SLC46A3: variants seen among roughly 807,000 people sequenced by gnomAD.
The protein encoded by SLC46A3 is lysosomal proton-coupled steroid conjugate and bile acid symporter SLC46A3.
Under a neutral mutation model 38.5 loss-of-function variants are expected in SLC46A3, and 26 were observed. That is an observed-to-expected ratio of 0.68 (90% confidence interval 0.49 to 0.94). The LOEUF (loss-of-function observed/expected upper bound fraction) is 0.94, where lower values mean the gene tolerates loss of function less well. SLC46A3 is among the 40% of genes least tolerant of loss of function. The probability of loss-of-function intolerance (pLI) is 0.00; values close to 1 mark genes in which losing one functional copy is unlikely to be tolerated. For synonymous variants in SLC46A3, 185 were observed against 192.5 expected, an observed-to-expected ratio of 0.96 and a Z score of 0.32; for missense variants, 510 against 544.3, an observed-to-expected ratio of 0.94 and a Z score of 0.63.
chr13:28,712,729 T>C lies in SLC46A3; in HGVS notation c.1011A>G (p.Thr337=), dbSNP rs1450733787. The C allele has an allele frequency of 2.5e-6, 4 of 1,609,132 alleles. No individual in the cohort carries two copies. The African/African-American group carries it at 4.0e-5, about 16-fold the overall frequency. ...TGGCAAACGCGGTCATAGCCATTCCTGTCATCGTGGTAAAAATCCCAATGA... is the reference window on the plus strand; with the variant it reads ...TGGCAAACGCGGTCATAGCCATTCCCGTCATCGTGGTAAAAATCCCAATGA... ...MAFIGIFTTM[T]GMAMTAFAST... Residue 337 remains threonine, a synonymous_variant, in exon 3 of 6, where the codon ACA becomes ACG. Transcript: ENST00000266943.
rs1322198755 is a variant in SLC46A3, at chr13:28,717,484, A to AATTTTTTTTTTTTTTTTTTTTT, written c.189+325_189+326insAAAAAAAAAAAAAAAAAAAAAT. On this transcript the variant is annotated intron_variant, in intron 2 of 5. Transcript: ENST00000266943. Reference sequence around the variant, plus strand: ...CAGCCTGCCCTGCCCCAATTTTCAGACTTTTTTTTTTTTTTTTTTTTTTTT... The same window carrying AATTTTTTTTTTTTTTTTTTTTT: ...CAGCCTGCCCTGCCCCAATTTTCAGAATTTTTTTTTTTTTTTTTTTTTCTTTTTTTTTTTTTTTTTTTTTTTT... Among the ~76,000 whole-genome samples the AATTTTTTTTTTTTTTTTTTTTT allele has an allele frequency of 4.6e-3, 432 of 93,862 alleles. 80 individuals carry two copies. Among genetic ancestry groups the AATTTTTTTTTTTTTTTTTTTTT allele is most frequent in the Non-Finnish European group, 5.9e-3 (277 of 47,306 alleles). The allele number at this position is 93,862 out of a possible 152,430, so 61.6% of individuals were successfully genotyped here.
At chr13:28,707,338 G>T (rs1343569037) in intron 4 of SLC46A3, among the ~76,000 whole-genome samples, 17 of 145,804 alleles carry the variant, frequency 1.2e-4, no homozygotes. Flanking sequence ...CTCACAGGTG[G>T]GAATTGAACA....
At chr13:28,703,444 A>G (rs2137820357) in intron 5 of SLC46A3, among the ~76,000 whole-genome samples, 1 of 152,314 alleles carries the variant, frequency 6.6e-6, no homozygotes, top group South Asian at 2.1e-4. Flanking sequence ...GGGGAGTTAT[A>G]ATGAACACAA....
In SLC46A3 at chr13:28,717,938, C is replaced by G. The variant is rs1239474844; in HGVS notation, c.61G>C (p.Gly21Arg). The G allele has an allele frequency of 6.2e-7, 1 of 1,613,758 alleles. No individual in the cohort carries two copies. The highest frequency in any genetic ancestry group is 8.5e-7 in the Non-Finnish European group (1 of 1,179,972). The stretch of plus-strand genomic sequence containing the variant: ...TAAACATATTGCGTTGTCAGTGGAC[C>G]GGTCAAAGTCATAGCAAATGCACTA... ...FLSAFAMTLT[G>R]PLTTQYVYRR... The change falls in exon 2 of 6, where the codon GGT becomes CGT. Residue 21 changes from glycine to arginine, a missense_variant. Coordinates refer to ENST00000266943, the MANE Select transcript of SLC46A3 (RefSeq NM_181785.4).
chr13:28,703,522 A>T (rs1270808988), intron 5 of SLC46A3, among the ~76,000 whole-genome samples: 2 of 152,160 alleles, frequency 1.3e-5, no homozygotes, highest in Non-Finnish European at 2.9e-5. Flanking sequence ...TTATTGACAG[A>T]TGCTTTCACG....
chr13:28,705,475 C>A (rs145281962), intron 4 of SLC46A3, among the ~76,000 whole-genome samples: 152 of 152,230 alleles, frequency 1.0e-3, no homozygotes, highest in African/African-American at 3.6e-3. Flanking sequence ...TCAAATTATT[C>A]ATTGAATGAT....
chr13:28,714,891 G>C (rs1421902717), intron 2 of SLC46A3, among the ~76,000 whole-genome samples: 2 of 152,194 alleles, frequency 1.3e-5, no homozygotes, highest in Non-Finnish European at 2.9e-5. Flanking sequence ...CATTACACTA[G>C]TTACTTGATG....
intron 4 of SLC46A3, among the ~76,000 whole-genome samples, chr13:28,706,987 T>A (rs1327627799): frequency 6.6e-6 from 1 of 152,156 alleles, no homozygotes; most frequent in Non-Finnish European, 1.5e-5. Context: ...TGGAAGACAG[T>A]GTGGTGATTC....
Position 28,704,000 on chromosome 13 carries a change from G to A in SLC46A3, c.1244C>T (p.Pro415Leu). The change falls in exon 5 of 6, where the codon CCT (proline) becomes CTT (leucine). Residue 415 changes from proline (P) to leucine (L), a missense_variant. Transcript: ENST00000266943. Reference protein sequence around the residue: ...GIYSATVAWYPGFTFLLSAGL... With the variant: ...GIYSATVAWYLGFTFLLSAGL... ...AGCAGACAGCAGGAAAGTGAAGCCA[G>A]GGTACCAAGCAACAGTGGCTGAGTA... The A allele has an allele frequency of 9.9e-6, 16 of 1,613,730 alleles. No homozygotes were observed. Among genetic ancestry groups the A allele is most frequent in the Non-Finnish European group, 1.4e-5 (16 of 1,179,788 alleles).
chr13:28,703,956 C>G lies in SLC46A3; in HGVS notation c.1288G>C (p.Ala430Pro), dbSNP rs138927248. 18 of 1,613,340 alleles carry G rather than the reference C, an allele frequency of 1.1e-5. No homozygotes were observed. Among genetic ancestry groups the G allele is most frequent in the African/African-American group, 2.7e-5 (2 of 74,806 alleles). ...LLSAGLLLLP[A>P]ISLCVVKCTS... is the part of the protein sequence containing the mutation. ...ATAATGACATACCATAGACTGATGG[C>G]TGGAAGTAGTAACAGACCAGCAGAC... Residue 430 changes from alanine (A) to proline (P), a missense_variant, in exon 5 of 6, where the codon GCC becomes CCC. By Grantham distance (27) the Ala-to-Pro change is conservative (BLOSUM62 -1). Coordinates refer to ENST00000266943, the MANE Select transcript of SLC46A3 (RefSeq NM_181785.4).
chr13:28,713,248 T>C lies in SLC46A3; in HGVS notation c.492A>G (p.Gln164=). Residue 164 remains glutamine, a synonymous_variant, in exon 3 of 6, where the codon CAA becomes CAG. Coordinates refer to ENST00000266943, the MANE Select transcript of SLC46A3 (RefSeq NM_181785.4). ...YIVDQCKEHK[Q]KTIRIAIIDF... Reference sequence around the variant, plus strand: ...CAATGATAGCTATTCGAATTGTTTTTTGTTTGTGTTCTTTACACTGATCAA... The same window carrying C: ...CAATGATAGCTATTCGAATTGTTTTCTGTTTGTGTTCTTTACACTGATCAA... 6.2e-7 allele frequency: 1 copy of C among 1,614,020 alleles called. No individual in the cohort carries two copies. The highest frequency in any genetic ancestry group is 8.5e-7 in the Non-Finnish European group (1 of 1,180,030).
intron 2 of SLC46A3, among the ~76,000 whole-genome samples, chr13:28,716,818 A>G (rs1220870155): frequency 6.6e-6 from 1 of 152,124 alleles, no homozygotes; most frequent in Non-Finnish European, 1.5e-5. Flanking sequence ...CCTCCTTCTC[A>G]GGCTCTTCTC....
rs145151292 is a variant in SLC46A3 at position 28,709,473 on chromosome 13, G to A, written c.1144+1287C>T. 1.3e-3 allele frequency among the ~76,000 whole-genome samples: 203 copies of A among 152,164 alleles called. 1 individual carries two copies. The highest frequency in any genetic ancestry group is 4.5e-3 in the African/African-American group (188 of 41,498). On this transcript the variant is annotated intron_variant, in intron 4 of 5. Coordinates refer to ENST00000266943, the MANE Select transcript of SLC46A3 (RefSeq NM_181785.4). Reference sequence around the variant, plus strand: ...ATCAAATAAGTACATTCACAGCACCGGGCTAACATATGACATTAAAGAAAG... The same window carrying A: ...ATCAAATAAGTACATTCACAGCACCAGGCTAACATATGACATTAAAGAAAG...
At chr13:28,701,662 C>T in intron 5 of SLC46A3, 81 bp from the exon 6 acceptor site, 1 of 1,312,598 alleles carries the variant, frequency 7.6e-7, no homozygotes, top group Non-Finnish European at 1.1e-6. Flanking sequence ...CTTTTTTTCC[C>T]AGTTACATAG....
At chr13:28,715,863 C>T (rs117629417) in intron 2 of SLC46A3, among the ~76,000 whole-genome samples, 2,024 of 151,590 alleles carry the variant, frequency 0.013, 27 homozygotes, top group Middle Eastern at 0.027. Flanking sequence ...AAAATAAGAC[C>T]GGGCACGGTG....
chr13:28,705,649 T>C (rs1287329506), intron 4 of SLC46A3, among the ~76,000 whole-genome samples: 2 of 152,200 alleles, frequency 1.3e-5, no homozygotes, highest in Non-Finnish European at 1.5e-5. Flanking sequence ...ATGGCAGACA[T>C]TTAATAAATA....
At chr13:28,707,993 G>C (rs1244837336) in intron 4 of SLC46A3, among the ~76,000 whole-genome samples, 1 of 152,194 alleles carries the variant, frequency 6.6e-6, no homozygotes, top group Non-Finnish European at 1.5e-5. Flanking sequence ...GTTCATCCAT[G>C]TTATGGCATG....
chr13:28,717,995 T>G lies in SLC46A3; in HGVS notation c.4A>C (p.Lys2Gln), dbSNP rs1885583147. The G allele has an allele frequency of 6.2e-7, 1 of 1,611,724 alleles. No homozygotes were observed. The highest frequency in any genetic ancestry group is 1.3e-5 in the African/African-American group (1 of 74,738). ...ATGGCAGGTTCTACAAATAAAATCT[T>G]CATATTGCCTGGGTAGGTAGCTGTA... M[K>Q]ILFVEPAIFL... The change falls in exon 2 of 6, where the codon AAG becomes CAG. Residue 2 changes from lysine to glutamine, a missense_variant. Transcript: ENST00000266943.
chr13:28,707,503 C>T (rs1885212111), intron 4 of SLC46A3, among the ~76,000 whole-genome samples: 1 of 151,828 alleles, frequency 6.6e-6, no homozygotes, highest in Non-Finnish European at 1.5e-5. Context: ...CACATGTATA[C>T]ATATGTAACA....
Sources: gnomAD v4.1 joint callset for allele counts (sites outside exome capture counted in the v4.1 genomes callset) on GRCh38, gnomAD v4.1.1 for gene constraint, MANE v1.5 for transcripts, NCBI Gene and HGNC (gene_info 2026-07-23, HGNC 2026-07-21) for gene names.